FGF14: variants seen among roughly 807,000 people sequenced by gnomAD.
The protein encoded by FGF14 is fibroblast growth factor 14.
Under a neutral mutation model 25.5 loss-of-function variants are expected in FGF14, and 5 were observed. The observed-to-expected ratio is 0.20, with a 90% CI of 0.10 to 0.41. The LOEUF (loss-of-function observed/expected upper bound fraction) is 0.41. Among genes scored for constraint, FGF14 ranks in the 10% least tolerant of loss-of-function variants. The probability of loss-of-function intolerance (pLI) is 1.00; values close to 1 mark genes in which losing one functional copy is unlikely to be tolerated. For missense variants in FGF14, 222 were observed against 320.1 expected (o/e 0.69, Z 2.34); for synonymous variants, 138 against 118.3 (o/e 1.17, Z -1.08).
rs141304687 is a variant in FGF14, at chr13:101,916,522, C to A, written c.124G>T (p.Gly42Cys). 1,445 of 1,613,804 alleles carry A rather than the reference C, an allele frequency of 9.0e-4. 6 individuals are homozygous for A. Among genetic ancestry groups the A allele is most frequent in the Non-Finnish European group, 1.0e-3 (1,223 of 1,179,934 alleles). Residue 42 changes from glycine to cysteine, a missense_variant, in exon 1 of 5, where the codon GGC becomes TGC. Gly to Cys is a radical substitution (Grantham distance 159, BLOSUM62 -3). Around this residue, in one of 5 missense-constraint regions of FGF14, gnomAD observed 80 missense variants for 72.2 expected, o/e 1.11. Coordinates refer to ENST00000376143, the MANE Select transcript of FGF14 (RefSeq NM_004115.4). ...TTGGAGAAGATATCCACCAGGTTGC[C>A]GTTGCAGAGCCCGCGGTTCTTGCTG... ...SPSKNRGLCNGNLVDIFSKVR... is the reference protein window; with the variant it reads ...SPSKNRGLCNCNLVDIFSKVR...
At chr13:102,083,622 G>A (rs1027310371) in intron 1 of FGF14, among the ~76,000 whole-genome samples, 1 of 152,198 alleles carries the variant, frequency 6.6e-6, no homozygotes, top group Non-Finnish European at 1.5e-5. Flanking sequence ...TTGTAAGGCC[G>A]TGCTTCAACA....
At chr13:102,204,189 G>A (rs528634651) in intron 1 of FGF14, among the ~76,000 whole-genome samples, 6 of 152,166 alleles carry the variant, frequency 3.9e-5, no homozygotes, top group Non-Finnish European at 7.4e-5. Context: ...TTTGTGTTTC[G>A]CACATTGCTG....
At position 102,082,534 on chromosome 13, in the gene FGF14, A is replaced by T. The variant is rs577218718; in HGVS notation, c.209-207238T>A. On this transcript the variant is annotated intron_variant, in intron 1 of 4. Transcript: ENST00000376131. ...TTAAATGATGTGTTCTGAACCCTGT[A>T]AAATGCAAAACTGAAAGATACAAAA... is the stretch of plus-strand genomic sequence containing the variant. Among the ~76,000 whole-genome samples, 163 of 152,350 alleles carry T rather than the reference A, an allele frequency of 1.1e-3. 2 individuals carry two copies. Among genetic ancestry groups the T allele is most frequent in the African/African-American group, 3.9e-3 (162 of 41,576 alleles).
chr13:102,059,040 G>T (rs1472830046), intron 1 of FGF14, among the ~76,000 whole-genome samples: 1 of 151,930 alleles, frequency 6.6e-6, no homozygotes, highest in Non-Finnish European at 1.5e-5. Flanking sequence ...GAAATAACAA[G>T]TTTTCCCAAA....
chr13:102,331,946 G>A (rs950490747), intron 1 of FGF14, among the ~76,000 whole-genome samples: 1 of 152,102 alleles, frequency 6.6e-6, no homozygotes, highest in Non-Finnish European at 1.5e-5. Flanking sequence ...AATAGAAAGG[G>A]CACAGAAATA....
At chr13:102,134,244 G>C (rs953347031) in intron 1 of FGF14, among the ~76,000 whole-genome samples, 2 of 152,130 alleles carry the variant, frequency 1.3e-5, no homozygotes, top group Non-Finnish European at 2.9e-5. Context: ...TCAGGCTCTA[G>C]GTTATTTCAG....
At position 102,196,333 on chromosome 13, in the gene FGF14, G is replaced by A. The variant is rs376524662; in HGVS notation, c.208+205138C>T. On this transcript the variant is annotated intron_variant, in intron 1 of 4. Transcript: ENST00000376131. ...TTCATTTGCTATTTTTCCCAGAAGA[G>A]CTGACAGAAGTAGGCAGGGGTAGGA... Among the ~76,000 whole-genome samples the A allele has an allele frequency of 3.3e-5, 5 of 152,244 alleles. No individual in the cohort carries two copies. In the South Asian group the frequency reaches 1.0e-3, roughly 32 times the overall value.
At position 101,714,375 on chromosome 13, in the gene FGF14, T is replaced by G. The variant is rs2034619722; in HGVS notation, c.*8456A>C. Reference sequence around the variant, plus strand: ...CCTGTTGTCAGTGTGTCAACGATATTCTATTCGAGATGGAAACCTTTAGTT... The same window carrying G: ...CCTGTTGTCAGTGTGTCAACGATATGCTATTCGAGATGGAAACCTTTAGTT... On this transcript the variant is annotated 3_prime_UTR_variant, in exon 5 of 5. Transcript: ENST00000376143. 1.1e-6 allele frequency: 1 copy of G among 943,762 alleles called. No individual in the cohort carries two copies. The highest frequency in any genetic ancestry group is 1.3e-5 in the South Asian group (1 of 76,422). 58.5% of individuals were successfully genotyped at this position (943,762 alleles called of 1,614,324 possible). A position where few individuals can be genotyped will look rare whatever the true frequency, so the allele number is the denominator to read the frequency against.
rs139609128 is a variant in FGF14, at chr13:102,119,422, A to T, written c.209-244126T>A. Reference sequence around the variant, plus strand: ...AATGCAATGCAATAACCTTGATTGGATCCTGGATAAGAAAATTACTAGGGA... The same window carrying T: ...AATGCAATGCAATAACCTTGATTGGTTCCTGGATAAGAAAATTACTAGGGA... On this transcript the variant is annotated intron_variant, in intron 1 of 4. Coordinates refer to the FGF14 transcript ENST00000376131. Among the ~76,000 whole-genome samples the T allele has an allele frequency of 4.3e-3, 655 of 152,280 alleles. 3 individuals carry two copies. The highest frequency in any genetic ancestry group is 0.015 in the African/African-American group (615 of 41,540).
chr13:102,179,530 C>T (rs2048583369), intron 1 of FGF14, among the ~76,000 whole-genome samples: 3 of 152,112 alleles, frequency 2.0e-5, no homozygotes, highest in African/African-American at 7.2e-5. Flanking sequence ...AATAAACAAA[C>T]AGATGAATAA....
intron 1 of FGF14, among the ~76,000 whole-genome samples, chr13:101,882,398 A>C (rs2045755148): frequency 1.3e-5 from 2 of 152,314 alleles, no homozygotes; most frequent in South Asian, 2.1e-4. Flanking sequence ...AAAATTCAGA[A>C]TCAAAAGCCT....
At chr13:101,979,945 C>T (rs2038147344) in intron 1 of FGF14, among the ~76,000 whole-genome samples, 2 of 152,120 alleles carry the variant, frequency 1.3e-5, no homozygotes, top group Admixed American at 1.3e-4. Context: ...TCTAAATTGC[C>T]AGTCAACACT....
chr13:101,901,739 C>A (rs569983363), intron 1 of FGF14, among the ~76,000 whole-genome samples: 54 of 152,110 alleles, frequency 3.6e-4, no homozygotes, highest in African/African-American at 1.3e-3. Flanking sequence ...AAAAACCCAA[C>A]TAATCAAACA....
Position 101,869,069 on chromosome 13 carries a change from T to C in FGF14, c.305-241A>G, listed in dbSNP as rs79454445. Reference sequence around the variant, plus strand: ...TGCTGACAGCATTCTGAAGGGCTGATGCGACAATAAACAGAACCAAGCCTG... The same window carrying C: ...TGCTGACAGCATTCTGAAGGGCTGACGCGACAATAAACAGAACCAAGCCTG... On this transcript the variant is annotated intron_variant, in intron 2 of 4. Transcript: ENST00000376143. Among the ~76,000 whole-genome samples the C allele has an allele frequency of 4.0e-3, 614 of 152,316 alleles. 4 individuals carry two copies. The highest frequency in any genetic ancestry group is 0.014 in the African/African-American group (571 of 41,584).
At chr13:102,200,359 T>G (rs926884417) in intron 1 of FGF14, among the ~76,000 whole-genome samples, 1 of 152,210 alleles carries the variant, frequency 6.6e-6, no homozygotes, top group Non-Finnish European at 1.5e-5. Context: ...TTATTATGTA[T>G]GTATATTTTG....
chr13:102,102,757 C>T lies in FGF14; in HGVS notation c.209-227461G>A, dbSNP rs1006136710. Among the ~76,000 whole-genome samples, 11 of 152,146 alleles carry T rather than the reference C, an allele frequency of 7.2e-5. No homozygotes were observed. In the South Asian group the frequency reaches 8.3e-4, roughly 11 times the overall value. On this transcript the variant is annotated intron_variant, in intron 1 of 4. Coordinates refer to the FGF14 transcript ENST00000376131. ...CTTCTAACCTTCTGTGTAACTAAAACAGGTATGATTCCATTTTGCAGATAG... is the reference window on the plus strand; with the variant it reads ...CTTCTAACCTTCTGTGTAACTAAAATAGGTATGATTCCATTTTGCAGATAG...
intron 1 of FGF14, among the ~76,000 whole-genome samples, chr13:102,081,423 A>T (rs2043615402): frequency 1.3e-5 from 2 of 152,220 alleles, no homozygotes; most frequent in African/African-American, 4.8e-5. Flanking sequence ...TGTTCAGGAC[A>T]TTTAACATTT....
chr13:101,715,714 C>G lies in FGF14; in HGVS notation c.*7117G>C. On this transcript the variant is annotated 3_prime_UTR_variant, in exon 5 of 5. Transcript: ENST00000376143. ...TCTGGGCCATTAGAACAGATAAATGCGAAGGAAACCATGTATATTCACCAC... is the reference window on the plus strand; with the variant it reads ...TCTGGGCCATTAGAACAGATAAATGGGAAGGAAACCATGTATATTCACCAC... 1 of 1,054,450 alleles carries G rather than the reference C, an allele frequency of 9.5e-7. No homozygotes were observed. The highest frequency in any genetic ancestry group is 1.5e-6 in the Non-Finnish European group (1 of 670,594). 65.3% of individuals were successfully genotyped at this position (1,054,450 alleles called of 1,614,324 possible).
At chr13:102,234,014 A>G (rs1214905405) in intron 1 of FGF14, among the ~76,000 whole-genome samples, 1 of 152,206 alleles carries the variant, frequency 6.6e-6, no homozygotes, top group Non-Finnish European at 1.5e-5. Flanking sequence ...CAGAGACAGA[A>G]AGTAGAAAGG....
Sources: gnomAD v4.1 joint callset for allele counts (sites outside exome capture counted in the v4.1 genomes callset) on GRCh38, gnomAD v4.1.1 for gene constraint, gnomAD v4.1.1 regional missense constraint, MANE v1.5 for transcripts, NCBI Gene and HGNC (gene_info 2026-07-23, HGNC 2026-07-21) for gene names.